Variants in SHTN1 observed in about 807,000 individuals in gnomAD.
SHTN1 encodes the protein shootin-1.
A neutral mutation model predicts 83.1 loss-of-function variants in SHTN1; 42 were observed. That is an observed-to-expected ratio of 0.51 (90% confidence interval 0.39 to 0.65). The LOEUF is 0.65. SHTN1 is among the 30% of genes least tolerant of loss of function. The pLI is 0.00. For missense variants in SHTN1, 622 were observed against 737.8 expected, an observed-to-expected ratio of 0.84 and a Z score of 1.82; for synonymous variants, 224 against 247.7, an observed-to-expected ratio of 0.90 and a Z score of 0.90.
chr10:116,922,285 A>G (rs1034238339), intron 11 of SHTN1, among the ~76,000 whole-genome samples: 2 of 152,134 alleles, frequency 1.3e-5, no homozygotes, highest in African/African-American at 4.8e-5. Context: ...ACATTCATCA[A>G]ATAGACAAAA....
At chr10:117,107,771 C>T (rs1319992082) in intron 1 of SHTN1, among the ~76,000 whole-genome samples, 2 of 152,216 alleles carry the variant, frequency 1.3e-5, no homozygotes, top group African/African-American at 2.4e-5. Context: ...GCTTCAGAAT[C>T]TACCTCTATA....
intron 1 of SHTN1, among the ~76,000 whole-genome samples, chr10:117,111,945 GTGTTTTGGTTTTTTTGTTT>G (rs1350931362): frequency 6.6e-6 from 1 of 151,992 alleles, no homozygotes; most frequent in Non-Finnish European, 1.5e-5. Context: ...GCACATACCA[GTGTTTTGGTTTTTTTGTTT>G]TGTTTTTGTT....
chr10:116,938,809 T>C (rs553093632), intron 9 of SHTN1, among the ~76,000 whole-genome samples: 2 of 152,182 alleles, frequency 1.3e-5, no homozygotes, highest in African/African-American at 4.8e-5. Context: ...AGATGGGAGT[T>C]TTATCTACAA....
intron 10 of SHTN1, among the ~76,000 whole-genome samples, 181 bp from the exon 11 acceptor site, chr10:116,928,072 T>C (rs562551937): frequency 1.3e-5 from 2 of 152,368 alleles, no homozygotes; most frequent in African/African-American, 4.8e-5. Context: ...CTATTGCTAA[T>C]GCAAGAGAGG....
At chr10:116,948,878 G>A (rs371094873) in intron 7 of SHTN1, 38 bp downstream of exon 7, 547 of 1,401,388 alleles carry the variant, frequency 3.9e-4, no homozygotes, top group Admixed American at 1.7e-3. Context: ...AGAACACACC[G>A]CATACGTATT....
chr10:117,104,417 G>A, intron 1 of SHTN1, among the ~76,000 whole-genome samples: 1 of 152,208 alleles, frequency 6.6e-6, no homozygotes, highest in East Asian at 1.9e-4. Flanking sequence ...CCTCAGCAAA[G>A]TATCTAGCTA....
intron 2 of SHTN1, among the ~76,000 whole-genome samples, chr10:117,030,881 C>A (rs1355257470): frequency 6.6e-6 from 1 of 151,554 alleles, no homozygotes; most frequent in Non-Finnish European, 1.5e-5. Flanking sequence ...CTCAAAAGGG[C>A]AAATCTAAGA....
At chr10:117,036,872 T>A (rs1266066980) in intron 2 of SHTN1, among the ~76,000 whole-genome samples, 1 of 152,196 alleles carries the variant, frequency 6.6e-6, no homozygotes, top group African/African-American at 2.4e-5. Context: ...CATGCTTGTA[T>A]CAAAACAATT....
At chr10:117,010,048 TAAAC>T (rs1402908965), upstream of SHTN1, among the ~76,000 whole-genome samples, 1 of 151,394 alleles carries the variant, frequency 6.6e-6, no homozygotes, top group East Asian at 1.9e-4. Flanking sequence ...ACAAGCAAAA[TAAAC>T]CTAAAGTTAG....
At chr10:117,098,305 G>C (rs2133626177) in intron 1 of SHTN1, among the ~76,000 whole-genome samples, 1 of 150,768 alleles carries the variant, frequency 6.6e-6, no homozygotes, top group Middle Eastern at 3.4e-3. Flanking sequence ...GCTGAGGCAG[G>C]AGAATGGCGT....
intron 2 of SHTN1, among the ~76,000 whole-genome samples, chr10:116,973,319 T>G (rs1279319131): frequency 6.6e-6 from 1 of 152,152 alleles, no homozygotes; most frequent in African/African-American, 2.4e-5. Context: ...CATCAGAGGG[T>G]TGCTAGCCTA....
chr10:116,948,942 C>A lies in SHTN1; in HGVS notation c.590G>T (p.Arg197Ile). 1 of 1,575,976 alleles carries A rather than the reference C, an allele frequency of 6.3e-7. No homozygotes were observed. The highest frequency in any genetic ancestry group is 1.2e-5 in the South Asian group (1 of 81,948). The change falls in exon 7 of 17, where the codon AGA becomes ATA. Residue 197 changes from arginine (R) to isoleucine (I), a missense_variant. Physicochemically the swap from Arg to Ile is moderately conservative, Grantham distance 97 (BLOSUM62 -3). This residue lies in a region of SHTN1 where 383 missense variants were observed against 455.8 expected (regional missense o/e 0.84). Coordinates refer to ENST00000355371, the MANE Select transcript of SHTN1 (RefSeq NM_001127211.3). ...TVLNSEVLEQ[R>I]KVLEKCNRVS... ...TCTATTGCATTTTTCTAAGACTTTTCTCTGTTCAAGAACTTCTGAATTTAA... is the reference window on the plus strand; with the variant it reads ...TCTATTGCATTTTTCTAAGACTTTTATCTGTTCAAGAACTTCTGAATTTAA...
chr10:117,063,300 G>A (rs957599301), intron 1 of SHTN1, among the ~76,000 whole-genome samples: 2 of 152,140 alleles, frequency 1.3e-5, no homozygotes, highest in Non-Finnish European at 2.9e-5. Context: ...TTCAGATAGC[G>A]ACTTTAGAAG....
chr10:117,098,809 G>A (rs1023473431), intron 1 of SHTN1, among the ~76,000 whole-genome samples: 1 of 152,096 alleles, frequency 6.6e-6, no homozygotes, highest in Non-Finnish European at 1.5e-5. Flanking sequence ...CCTGCTGATG[G>A]AGACACAATT....
rs114392237 is a variant in SHTN1, at chr10:116,951,081, C to T, written c.534+828G>A. On this transcript the variant is annotated intron_variant, in intron 6 of 16. Transcript: ENST00000355371. The stretch of plus-strand genomic sequence containing the variant: ...CTGTGAAGGCAAATCCTTGAAGCCT[C>T]GTGCAAATAAAAGGCAATTGTGAGG... Among the ~76,000 whole-genome samples the T allele has an allele frequency of 6.1e-3, 932 of 152,234 alleles. 12 individuals carry two copies. The highest frequency in any genetic ancestry group is 0.021 in the African/African-American group (889 of 41,528).
chr10:117,106,838 T>C (rs548167015), intron 1 of SHTN1, among the ~76,000 whole-genome samples: 196 of 152,308 alleles, frequency 1.3e-3, no homozygotes, highest in African/African-American at 4.6e-3. Context: ...TCTCACAAGA[T>C]AGTGGGTGCC....
chr10:117,116,341 TG>T (rs1853847142), intron 1 of SHTN1, among the ~76,000 whole-genome samples: 1 of 152,024 alleles, frequency 6.6e-6, no homozygotes, highest in Non-Finnish European at 1.5e-5. Flanking sequence ...CCTGGACACA[TG>T]CAACCTACCA....
intron 1 of SHTN1, among the ~76,000 whole-genome samples, chr10:117,087,411 C>G (rs1007425311): frequency 6.6e-6 from 1 of 152,128 alleles, no homozygotes; most frequent in South Asian, 2.1e-4. Flanking sequence ...GTTAGACAAA[C>G]TGACTATTAA....
intron 14 of SHTN1, among the ~76,000 whole-genome samples, chr10:116,907,393 A>C (rs1353043833): frequency 6.6e-6 from 1 of 152,178 alleles, no homozygotes; most frequent in Non-Finnish European, 1.5e-5. Flanking sequence ...GGAGACAGTT[A>C]ATGTATTATT....
Sources: allele counts gnomAD v4.1 joint callset (sites outside exome capture counted in the v4.1 genomes callset), GRCh38; gene constraint gnomAD v4.1.1; regional missense constraint gnomAD v4.1.1; transcripts MANE v1.5; gene names NCBI Gene and HGNC (gene_info 2026-07-23, HGNC 2026-07-21).